Variants in EEIG2 observed in about 807,000 individuals in gnomAD.
EEIG2 encodes family with sequence similarity 102 member B.
chr1:108,609,243 C>G, the EEIG2 span, among the ~76,000 whole-genome samples: 1 of 152,160 alleles, frequency 6.6e-6, no homozygotes, highest in African/African-American at 2.4e-5. Context: ...GTTCTTGGTA[C>G]TATTCTAAGT....
chr1:108,612,121 G>A, the EEIG2 span: 2 of 1,192,636 alleles, frequency 1.7e-6, no homozygotes, highest in African/African-American at 1.5e-5. Context: ...ATTTTAAGGA[G>A]CATATGATAG....
the EEIG2 span, chr1:108,625,634 T>C: frequency 6.6e-6 from 1 of 152,028 alleles, no homozygotes; most frequent in Non-Finnish European, 1.5e-5. Flanking sequence ...ACTGAAAAAA[T>C]GAAAACAAAA....
At chr1:108,599,312 C>T in the EEIG2 span, among the ~76,000 whole-genome samples, 1 of 152,168 alleles carries the variant, frequency 6.6e-6, no homozygotes, top group Admixed American at 6.5e-5. Context: ...TTCAACTCAC[C>T]TACCAGTCCT....
At chr1:108,637,107 A>G in the EEIG2 span, 1 of 152,180 alleles carries the variant, frequency 6.6e-6, no homozygotes, top group Non-Finnish European at 1.5e-5. Flanking sequence ...ACACCTCTCT[A>G]TACAAGACTG....
At chr1:108,574,883 T>C in the EEIG2 span, among the ~76,000 whole-genome samples, 1 of 152,242 alleles carries the variant, frequency 6.6e-6, no homozygotes. Flanking sequence ...ATTCAACTAA[T>C]ATAGACTCCA....
the EEIG2 span, among the ~76,000 whole-genome samples, chr1:108,609,570 G>A: frequency 6.6e-5 from 10 of 152,216 alleles, no homozygotes; most frequent in South Asian, 4.2e-4. Flanking sequence ...AGCATTTCCC[G>A]CAAAAGAACA....
chr1:108,560,107 C>T, the EEIG2 span: 1 of 178,380 alleles, frequency 5.6e-6, no homozygotes, highest in Non-Finnish European at 1.1e-5. Flanking sequence ...CCCAGACGGG[C>T]GGCAGCGGCG....
the EEIG2 span, among the ~76,000 whole-genome samples, chr1:108,616,934 G>A: frequency 1.3e-5 from 2 of 152,176 alleles, no homozygotes; most frequent in East Asian, 3.8e-4. Context: ...GAAGAGAAGT[G>A]TTGCTATTCT....
chr1:108,617,857 T>C, the EEIG2 span, among the ~76,000 whole-genome samples: 1 of 152,160 alleles, frequency 6.6e-6, no homozygotes, highest in Non-Finnish European at 1.5e-5. Flanking sequence ...CTGGAGTGGG[T>C]CTCAGAAAAT....
chr1:108,601,501 G>A, the EEIG2 span, among the ~76,000 whole-genome samples: 2 of 150,534 alleles, frequency 1.3e-5, no homozygotes, highest in Non-Finnish European at 3.0e-5. Context: ...AATATTTTAA[G>A]TATTATATAA....
the EEIG2 span, chr1:108,638,461 A>G: frequency 2.0e-5 from 3 of 152,258 alleles, no homozygotes; most frequent in African/African-American, 7.2e-5. Context: ...TGAAGCTGAC[A>G]TTATTACCAA....
At chr1:108,622,435 A>C in the EEIG2 span, among the ~76,000 whole-genome samples, 1 of 152,184 alleles carries the variant, frequency 6.6e-6, no homozygotes, top group South Asian at 2.1e-4. Flanking sequence ...TGGAGAAGAG[A>C]TGATGAATAG....
At chr1:108,593,518 A>G in the EEIG2 span, among the ~76,000 whole-genome samples, 11 of 152,196 alleles carry the variant, frequency 7.2e-5, no homozygotes, top group South Asian at 1.7e-3. Flanking sequence ...AACTGGACAT[A>G]TTGCCAGTTT....
the EEIG2 span, among the ~76,000 whole-genome samples, chr1:108,632,527 G>C: frequency 4.6e-5 from 7 of 152,148 alleles, no homozygotes; most frequent in Non-Finnish European, 8.8e-5. Flanking sequence ...GGGGGAACTA[G>C]GTAGAAAAGT....
chr1:108,570,379 T>C, the EEIG2 span, among the ~76,000 whole-genome samples: 1 of 152,290 alleles, frequency 6.6e-6, no homozygotes, highest in East Asian at 1.9e-4. Context: ...GGTTCTGTGC[T>C]GTAGTCTAGG....
At chr1:108,561,343 G>T in the EEIG2 span, among the ~76,000 whole-genome samples, 1 of 152,218 alleles carries the variant, frequency 6.6e-6, no homozygotes, top group East Asian at 1.9e-4. Context: ...CAGGTTGACA[G>T]ATGTACCCTA....
At chr1:108,611,078 ATTC>A in the EEIG2 span, among the ~76,000 whole-genome samples, 1 of 152,130 alleles carries the variant, frequency 6.6e-6, no homozygotes, top group Non-Finnish European at 1.5e-5. Flanking sequence ...CTGGGTTCTT[ATTC>A]TTACATTCTT....
chr1:108,622,155 C>CAAAAAAG, the EEIG2 span, among the ~76,000 whole-genome samples: 87 of 151,228 alleles, frequency 5.8e-4, no homozygotes, highest in Non-Finnish European at 1.1e-3. Context: ...AACTCCGTCT[C>CAAAAAAG]AAAAAAGAAA....
chr1:108,602,901 A>G, the EEIG2 span, among the ~76,000 whole-genome samples: 2 of 152,126 alleles, frequency 1.3e-5, no homozygotes, highest in South Asian at 4.2e-4. Flanking sequence ...CTTACTTCCA[A>G]ATAAGGTAAC....
Sources: allele counts gnomAD v4.1 joint callset (sites outside exome capture counted in the v4.1 genomes callset), GRCh38; gene constraint gnomAD v4.1.1; transcripts MANE v1.5; gene names NCBI Gene and HGNC (gene_info 2026-07-23, HGNC 2026-07-21).